The following ZDHHC3 variants were observed in gnomAD, a reference collection of about 807,000 sequenced individuals.
ZDHHC3 encodes the protein zDHHC palmitoyltransferase 3.
Under a neutral mutation model 30.6 loss-of-function variants are expected in ZDHHC3, and 9 were observed. The observed-to-expected ratio is 0.29, with a 90% CI of 0.18 to 0.51. The LOEUF (loss-of-function observed/expected upper bound fraction) is 0.51. Among genes scored for constraint, ZDHHC3 ranks in the 20% least tolerant of loss-of-function variants. The pLI is 0.97. For synonymous variants in ZDHHC3, 136 were observed against 140.2 expected (o/e 0.97, Z 0.21); for missense variants, 246 against 384.2 (o/e 0.64, Z 3.01).
At chr3:44,942,820 A>T (rs1559683059) in intron 3 of ZDHHC3, among the ~76,000 whole-genome samples, 1 of 152,254 alleles carries the variant, frequency 6.6e-6, no homozygotes, top group Non-Finnish European at 1.5e-5. Flanking sequence ...CCGTGTAGCA[A>T]GCGACACAGC....
Position 44,964,106 on chromosome 3 carries a change from A to G in ZDHHC3, c.-24-4646T>C, listed in dbSNP as rs916448650. Among the ~76,000 whole-genome samples, 4 of 152,196 alleles carry G rather than the reference A, an allele frequency of 2.6e-5. No individual in the cohort carries two copies. In the East Asian group the frequency reaches 7.7e-4, roughly 29 times the overall value. Reference sequence around the variant, plus strand: ...AGCCTAGTGTTTGGTATATGTGCTCAAATCAATAATTCCTGAGTGACTGGT... The same window carrying G: ...AGCCTAGTGTTTGGTATATGTGCTCGAATCAATAATTCCTGAGTGACTGGT... On this transcript the variant is annotated intron_variant, in intron 1 of 6. Transcript: ENST00000424952.
At position 44,976,091 on chromosome 3, in the gene ZDHHC3, A is replaced by G. The variant is rs1182929707; in HGVS notation, c.-183T>C. On this transcript the variant is annotated 5_prime_UTR_variant, in exon 1 of 7. Transcript: ENST00000424952. ...CGCGGCTCTCTGGACTCGGCCAGAC[A>G]CCGGGCGGCGCGCAGGAGAAGCCCA... The G allele has an allele frequency of 1.6e-5, 7 of 437,910 alleles. No individual in the cohort carries two copies. Among genetic ancestry groups the G allele is most frequent in the Non-Finnish European group, 2.3e-5 (6 of 256,564 alleles). The allele number at this position is 437,910 out of a possible 1,614,324, so 27.1% of individuals were successfully genotyped here. A position where few individuals can be genotyped will look rare whatever the true frequency, so the allele number is the denominator to read the frequency against.
chr3:44,917,283 C>A lies in ZDHHC3; in HGVS notation c.*9406G>T. The A allele has an allele frequency of 1.2e-5, 2 of 161,158 alleles. No homozygotes were observed. The highest frequency in any genetic ancestry group is 5.6e-5 in the Admixed American group (1 of 17,724). The allele number at this position is 161,158 out of a possible 1,614,324, so 10.0% of individuals were successfully genotyped here. On this transcript the variant is annotated 3_prime_UTR_variant, in exon 7 of 7. Transcript: ENST00000424952. ...AATGCAGGGTCCTCTTTGAACCATG[C>A]CTGGCCCTTGCAGGTAGATGTGGCA...
At chr3:44,952,451 C>T (rs2125889138) in intron 2 of ZDHHC3, among the ~76,000 whole-genome samples, 1 of 152,288 alleles carries the variant, frequency 6.6e-6, no homozygotes, top group South Asian at 2.1e-4. Context: ...AACTAATTTC[C>T]AGAGTAAACT....
Position 44,958,523 on chromosome 3 carries a change from C to T in ZDHHC3, c.306+608G>A, listed in dbSNP as rs902830825. On this transcript the variant is annotated intron_variant, in intron 2 of 6. Transcript: ENST00000424952. Reference sequence around the variant, plus strand: ...TGCACAAACATTCAATAGCCACGTGCGCAGCTTGGCATATTTAGCTAAGTC... The same window carrying T: ...TGCACAAACATTCAATAGCCACGTGTGCAGCTTGGCATATTTAGCTAAGTC... 58 of 1,394,536 alleles carry T rather than the reference C, an allele frequency of 4.2e-5. 1 individual carries two copies. The highest frequency in any genetic ancestry group is 2.1e-4 in the South Asian group (17 of 81,142). The allele number at this position is 1,394,536 out of a possible 1,614,324, so 86.4% of individuals were successfully genotyped here.
At chr3:44,963,476 C>T (rs1170749118) in intron 1 of ZDHHC3, among the ~76,000 whole-genome samples, 3 of 145,014 alleles carry the variant, frequency 2.1e-5, no homozygotes, top group African/African-American at 7.7e-5. Flanking sequence ...TTAAATTAGC[C>T]AACTGAAAAT....
chr3:44,932,195 G>C (rs1387192401), intron 5 of ZDHHC3, among the ~76,000 whole-genome samples: 2 of 151,936 alleles, frequency 1.3e-5, no homozygotes, highest in Non-Finnish European at 2.9e-5. Flanking sequence ...CAAGTGATCA[G>C]GAACTTGCTG....
rs1204666864 is a variant in ZDHHC3 at position 44,945,286 on chromosome 3, C to A, written c.313G>T (p.Val105Leu). Reference protein sequence around the residue: ...CRAMLTDPGAVPKGNATKEFI... With the variant: ...CRAMLTDPGALPKGNATKEFI... Reference sequence around the variant, plus strand: ...TCTTTAGTGGCATTTCCTTTGGGCACTGCCCCCTGTAGGAAAGATGAAAGG... The same window carrying A: ...TCTTTAGTGGCATTTCCTTTGGGCAATGCCCCCTGTAGGAAAGATGAAAGG... Residue 105 changes from valine to leucine, a missense_variant, in exon 3 of 7, where the codon GTG (valine) becomes TTG (leucine). Physicochemically the swap from Val to Leu is conservative, Grantham distance 32. Transcript: ENST00000424952. The A allele has an allele frequency of 1.2e-6, 2 of 1,614,190 alleles. No individual in the cohort carries two copies. The highest frequency in any genetic ancestry group is 1.7e-6 in the Non-Finnish European group (2 of 1,180,030).
intron 2 of ZDHHC3, among the ~76,000 whole-genome samples, chr3:44,957,366 G>A (rs1704044333): frequency 6.6e-6 from 1 of 152,172 alleles, no homozygotes; most frequent in South Asian, 2.1e-4. Flanking sequence ...CACAGAATGG[G>A]CACTCAGGAA....
In ZDHHC3 at chr3:44,920,172, T is replaced by A. The variant is rs1475185348; in HGVS notation, c.*6517A>T. 2.4e-6 allele frequency: 3 copies of A among 1,272,500 alleles called. No individual in the cohort carries two copies. The highest frequency in any genetic ancestry group is 3.1e-6 in the Non-Finnish European group (3 of 976,390). 78.8% of individuals were successfully genotyped at this position (1,272,500 alleles called of 1,614,324 possible). On this transcript the variant is annotated 3_prime_UTR_variant, in exon 7 of 7. Transcript: ENST00000424952. ...AGTTGTTTCAGAAAATGGATCTTGTTGACACAAGTCTAAAGGGACCTTCAT... is the reference window on the plus strand; with the variant it reads ...AGTTGTTTCAGAAAATGGATCTTGTAGACACAAGTCTAAAGGGACCTTCAT...
chr3:44,975,190 C>T (rs1705798472), intron 1 of ZDHHC3: 2 of 152,122 alleles, frequency 1.3e-5, no homozygotes, highest in African/African-American at 2.4e-5. Context: ...TCCTTTAAAA[C>T]TTGCACCATA....
At chr3:44,926,879 A>G in intron 6 of ZDHHC3, 32 bp from the exon 7 acceptor site, 1 of 1,580,742 alleles carries the variant, frequency 6.3e-7, no homozygotes, top group African/African-American at 1.3e-5. Context: ...CTTTCAGTCA[A>G]GCACTGCATT....
At position 44,926,737 on chromosome 3, in the gene ZDHHC3, A is replaced by C; in HGVS notation, c.852T>G (p.Phe284Leu). Residue 284 changes from phenylalanine to leucine, a missense_variant, in exon 7 of 7, where the codon TTT becomes TTG. Transcript: ENST00000424952. ...CTGCCTTCCCTTGGTCTGGCGTGGC[A>C]AAGGGGCTGGCCCAGCCTAGAGAGA... The part of the protein sequence containing the change: ...HPFSLGWASP[F>L]ATPDQGKADP... 1 of 1,613,588 alleles carries C rather than the reference A, an allele frequency of 6.2e-7. No individual in the cohort carries two copies. The highest frequency in any genetic ancestry group is 8.5e-7 in the Non-Finnish European group (1 of 1,179,906).
At chr3:44,961,196 T>C (rs557929784) in intron 1 of ZDHHC3, among the ~76,000 whole-genome samples, 2 of 152,288 alleles carry the variant, frequency 1.3e-5, no homozygotes, top group East Asian at 3.9e-4. Context: ...ATTGAGACCA[T>C]CCTGGCTAAC....
intron 3 of ZDHHC3, among the ~76,000 whole-genome samples, chr3:44,940,165 T>TC (rs1251799184): frequency 6.6e-6 from 1 of 151,608 alleles, no homozygotes; most frequent in Non-Finnish European, 1.5e-5. Context: ...AATGTGGACC[T>TC]CCCCCCACAA....
At chr3:44,934,129 C>T (rs373745067) in intron 3 of ZDHHC3, 145 bp from the exon 4 acceptor site, 65 of 776,148 alleles carry the variant, frequency 8.4e-5, no homozygotes, top group African/African-American at 6.7e-4. Flanking sequence ...GTGTGTGTCA[C>T]GTGGGGCTTG....
intron 1 of ZDHHC3, among the ~76,000 whole-genome samples, chr3:44,961,522 A>G (rs1349170166): frequency 2.0e-5 from 3 of 152,218 alleles, no homozygotes; most frequent in African/African-American, 7.2e-5. Flanking sequence ...CCTGCCAGAG[A>G]CAACCTAAAT....
intron 5 of ZDHHC3, 59 bp downstream of exon 5, chr3:44,933,059 C>T: frequency 6.2e-7 from 1 of 1,612,688 alleles, no homozygotes; most frequent in East Asian, 2.2e-5. Flanking sequence ...CCTCCCCGCC[C>T]CCCACTCAGG....
At chr3:44,930,411 C>T (rs1486562734) in intron 5 of ZDHHC3, among the ~76,000 whole-genome samples, 1 of 152,210 alleles carries the variant, frequency 6.6e-6, no homozygotes, top group Admixed American at 6.5e-5. Context: ...TGGCACTCTT[C>T]ACCTAAGGAC....
Sources: gnomAD v4.1 joint callset for allele counts (sites outside exome capture counted in the v4.1 genomes callset) on GRCh38, gnomAD v4.1.1 for gene constraint, MANE v1.5 for transcripts, NCBI Gene and HGNC (gene_info 2026-07-23, HGNC 2026-07-21) for gene names.